Variants in WWP2 observed in about 807,000 individuals in gnomAD.
WWP2 encodes the protein WW domain containing E3 ubiquitin protein ligase 2.
WWP2 carries 57 observed loss-of-function variants against 121.0 expected under a neutral mutation model. That is an observed-to-expected ratio of 0.47 (90% CI 0.38 to 0.59). The LOEUF (loss-of-function observed/expected upper bound fraction) is 0.59, where lower values mean the gene tolerates loss of function less well. WWP2 is among the 20% of genes least tolerant of loss of function. The probability of loss-of-function intolerance (pLI) is 0.00; values close to 1 mark genes in which losing one functional copy is unlikely to be tolerated. For synonymous variants in WWP2, 449 were observed against 441.3 expected, an observed-to-expected ratio of 1.02 and a Z score of -0.22; for missense variants, 962 against 1,158.9, an observed-to-expected ratio of 0.83 and a Z score of 2.47.
chr16:69,834,331 T>C (rs2056839344), intron 4 of WWP2, among the ~76,000 whole-genome samples: 1 of 152,120 alleles, frequency 6.6e-6, no homozygotes, highest in African/African-American at 2.4e-5. Context: ...CTGCCTAGAA[T>C]GTTCTTCCTC....
chr16:69,888,138 A>C lies in WWP2; in HGVS notation c.803A>C (p.Asn268Thr). The change falls in exon 8 of 24, where the codon AAC becomes ACC. Residue 268 changes from asparagine (N) to threonine (T), a missense_variant. This residue lies in a region of WWP2 where 211 missense variants were observed against 196.5 expected (regional missense o/e 1.07). Coordinates refer to ENST00000359154, the MANE Select transcript of WWP2 (RefSeq NM_001270454.2). ...AAPLSVTPNP[N>T]TTSLPAPATP... The stretch of plus-strand genomic sequence containing the variant: ...CCCTTGAGTGTGACCCCGAATCCCA[A>C]CACGACTTCTCTCCCTGCCCCAGCC... 1 of 1,614,172 alleles carries C rather than the reference A, an allele frequency of 6.2e-7. No individual in the cohort carries two copies. The highest frequency in any genetic ancestry group is 2.2e-5 in the East Asian group (1 of 44,882).
chr16:69,883,554 T>C (rs2228705), intron 7 of WWP2, among the ~76,000 whole-genome samples: 2 of 152,210 alleles, frequency 1.3e-5, no homozygotes, highest in East Asian at 1.9e-4. Context: ...ACTCAAGGTA[T>C]AGCACAAACT....
chr16:69,791,828 G>A (rs1332421567), intron 2 of WWP2, among the ~76,000 whole-genome samples: 1 of 151,994 alleles, frequency 6.6e-6, no homozygotes, highest in East Asian at 1.9e-4. Context: ...CCCCCACCTC[G>A]GCCTCTTAAG....
At chr16:69,882,477 T>C (rs533687655) in intron 7 of WWP2, among the ~76,000 whole-genome samples, 3 of 152,326 alleles carry the variant, frequency 2.0e-5, no homozygotes, top group East Asian at 1.9e-4. Context: ...TTACGGACAA[T>C]GTAAAGCATA....
At chr16:69,850,091 A>G (rs983766745) in intron 6 of WWP2, among the ~76,000 whole-genome samples, 1 of 152,120 alleles carries the variant, frequency 6.6e-6, no homozygotes, top group African/African-American at 2.4e-5. Context: ...GTGGTGATTA[A>G]AAGATGAAAA....
At chr16:69,876,655 TGC>T (rs1455355731) in intron 7 of WWP2, among the ~76,000 whole-genome samples, 3 of 152,208 alleles carry the variant, frequency 2.0e-5, no homozygotes, top group Non-Finnish European at 2.9e-5. Context: ...TGAGCCACTG[TGC>T]CCAGCCATAA....
At chr16:69,766,780 G>A (rs1344905931) in intron 1 of WWP2, among the ~76,000 whole-genome samples, 2 of 152,090 alleles carry the variant, frequency 1.3e-5, no homozygotes, top group African/African-American at 2.4e-5. Flanking sequence ...TATTTTTGGA[G>A]TGTTGTTCTG....
At chr16:69,919,348 G>A (rs1389981607) in intron 10 of WWP2, among the ~76,000 whole-genome samples, 1 of 151,874 alleles carries the variant, frequency 6.6e-6, no homozygotes, top group African/African-American at 2.4e-5. Flanking sequence ...TGTATTTTTA[G>A]TAGAGACGGG....
At chr16:69,805,274 G>A (rs1029931091) in intron 4 of WWP2, among the ~76,000 whole-genome samples, 19 of 151,978 alleles carry the variant, frequency 1.3e-4, no homozygotes, top group African/African-American at 3.4e-4. Context: ...GACCTCAGGC[G>A]ATTTGCCTGC....
intron 11 of WWP2, among the ~76,000 whole-genome samples, chr16:69,927,508 A>C (rs951815219): frequency 1.1e-4 from 16 of 152,220 alleles, no homozygotes; most frequent in Non-Finnish European, 2.1e-4. Flanking sequence ...GGTCTTTCCC[A>C]GCCCCCAACT....
intron 2 of WWP2, among the ~76,000 whole-genome samples, chr16:69,798,323 T>C (rs538241152): frequency 6.6e-6 from 1 of 152,312 alleles, no homozygotes; most frequent in Admixed American, 6.5e-5. Context: ...ATATACCTAT[T>C]ATGGGCTTGT....
At chr16:69,770,947 G>C (rs2055401301) in intron 1 of WWP2, among the ~76,000 whole-genome samples, 1 of 150,104 alleles carries the variant, frequency 6.7e-6, no homozygotes, top group Non-Finnish European at 1.5e-5. Context: ...AACCCGGGCA[G>C]CATAGTGAAA....
At position 69,842,100 on chromosome 16, in the gene WWP2, C is replaced by T; in HGVS notation, c.555C>T (p.Asn185=). 6.2e-7 allele frequency: 1 copy of T among 1,613,148 alleles called. No individual in the cohort carries two copies. Among genetic ancestry groups the T allele is most frequent in the Non-Finnish European group, 8.5e-7 (1 of 1,179,704 alleles). ...PENRHQPPST[N]CFGGRSRTHR... ...ACCGGCACCAGCCCCCCAGCACAAA[C>T]TGCTTTGGTGGAAGATCCCGGTAAG... is the stretch of plus-strand genomic sequence containing the variant. The change falls in exon 6 of 24, where the codon AAC becomes AAT. Residue 185 remains asparagine, a synonymous_variant. Transcript: ENST00000359154.
At chr16:69,864,335 C>G (rs1042548072) in intron 6 of WWP2, among the ~76,000 whole-genome samples, 11 of 152,048 alleles carry the variant, frequency 7.2e-5, no homozygotes, top group African/African-American at 2.7e-4. Context: ...GCACTCCAGC[C>G]TGGGTGACAG....
intron 6 of WWP2, among the ~76,000 whole-genome samples, chr16:69,859,720 G>A (rs1199908324): frequency 2.0e-5 from 3 of 151,740 alleles, no homozygotes; most frequent in Admixed American, 1.3e-4. Context: ...TTCTCACGGT[G>A]CCCCCTCCAC....
At chr16:69,804,661 A>C (rs906697728) in intron 4 of WWP2, among the ~76,000 whole-genome samples, 1 of 151,872 alleles carries the variant, frequency 6.6e-6, no homozygotes, top group Non-Finnish European at 1.5e-5. Flanking sequence ...TGCATATATC[A>C]CATCACTAGA....
intron 6 of WWP2, among the ~76,000 whole-genome samples, chr16:69,866,278 ATTTATTTATT>A (rs2057522024): frequency 6.5e-5 from 1 of 15,382 alleles, no homozygotes; most frequent in Non-Finnish European, 9.6e-5. Context: ...CATTTTATTT[ATTTATTTATT>A]TATTTATTTA....
intron 6 of WWP2, among the ~76,000 whole-genome samples, chr16:69,867,874 A>C (rs2057557619): frequency 6.6e-6 from 1 of 152,174 alleles, no homozygotes; most frequent in South Asian, 2.1e-4. Context: ...CCAAGGTTGA[A>C]GTCATGGGCA....
intron 4 of WWP2, among the ~76,000 whole-genome samples, chr16:69,828,974 C>T (rs765786871): frequency 6.6e-6 from 1 of 152,090 alleles, no homozygotes; most frequent in Non-Finnish European, 1.5e-5. Flanking sequence ...CTGTCAGAAG[C>T]ACCTCAACAT....
Sources: allele counts gnomAD v4.1 joint callset (sites outside exome capture counted in the v4.1 genomes callset), GRCh38; gene constraint gnomAD v4.1.1; regional missense constraint gnomAD v4.1.1; transcripts MANE v1.5; gene names NCBI Gene and HGNC (gene_info 2026-07-23, HGNC 2026-07-21).